GSK3B: variants seen among roughly 807,000 people sequenced by gnomAD.
GSK3B encodes the protein glycogen synthase kinase-3 beta.
In GSK3B, 15 loss-of-function variants were observed where a neutral mutation model predicts 56.4. That is an observed-to-expected ratio of 0.27 (90% confidence interval 0.18 to 0.41). The LOEUF is 0.41. Among genes scored for constraint, GSK3B ranks in the 10% least tolerant of loss-of-function variants. The pLI, the probability that GSK3B is intolerant of heterozygous loss-of-function variation, is 1.00. For synonymous variants in GSK3B, 181 were observed against 188.9 expected (o/e 0.96, Z 0.34); for missense variants, 300 against 513.4 (o/e 0.58, Z 4.02).
At chr3:120,006,359 A>G (rs542328331) in intron 1 of GSK3B, among the ~76,000 whole-genome samples, 188 of 152,302 alleles carry the variant, frequency 1.2e-3, no homozygotes, top group Non-Finnish European at 2.0e-3. Flanking sequence ...GATCAAGGAG[A>G]CAGAAAATTA....
intron 6 of GSK3B, among the ~76,000 whole-genome samples, chr3:119,906,224 C>T (rs1320147097): frequency 6.6e-6 from 1 of 152,094 alleles, no homozygotes; most frequent in Non-Finnish European, 1.5e-5. Context: ...TTAGTAGGTA[C>T]TTACAGAGGA....
intron 2 of GSK3B, among the ~76,000 whole-genome samples, chr3:119,972,629 G>A (rs180723118): frequency 6.6e-6 from 1 of 152,192 alleles, no homozygotes; most frequent in East Asian, 1.9e-4. Context: ...TAGAGATGGG[G>A]TTTCACCAAG....
At chr3:120,091,292 C>T (rs956451894) in intron 1 of GSK3B, among the ~76,000 whole-genome samples, 1 of 152,158 alleles carries the variant, frequency 6.6e-6, no homozygotes, top group African/African-American at 2.4e-5. Context: ...CTTAAAGACT[C>T]CCCTTTCTTT....
At chr3:120,051,177 G>T (rs1478947484) in intron 1 of GSK3B, among the ~76,000 whole-genome samples, 2 of 149,732 alleles carry the variant, frequency 1.3e-5, no homozygotes, top group African/African-American at 4.9e-5. Context: ...GCAAGCAAGA[G>T]AACAGGACGT....
intron 2 of GSK3B, among the ~76,000 whole-genome samples, chr3:119,981,090 T>C (rs1224384504): frequency 1.3e-5 from 2 of 152,248 alleles, no homozygotes; most frequent in African/African-American, 4.8e-5. Context: ...AGGTAAAACC[T>C]ACGACACGTG....
At chr3:119,977,791 G>T (rs141904598) in intron 2 of GSK3B, among the ~76,000 whole-genome samples, 1 of 152,110 alleles carries the variant, frequency 6.6e-6, no homozygotes, top group African/African-American at 2.4e-5. Flanking sequence ...AAAATTTGAC[G>T]TATAGCAGTG....
At chr3:120,031,579 G>A (rs2057976150) in intron 1 of GSK3B, among the ~76,000 whole-genome samples, 1 of 152,168 alleles carries the variant, frequency 6.6e-6, no homozygotes, top group Non-Finnish European at 1.5e-5. Context: ...GGGACAGAGG[G>A]TGAAGTAGGA....
intron 1 of GSK3B, among the ~76,000 whole-genome samples, chr3:120,054,416 T>C (rs2058176644): frequency 1.3e-5 from 2 of 152,192 alleles, no homozygotes; most frequent in South Asian, 4.1e-4. Flanking sequence ...AGTTGCTTTT[T>C]CCAAAGTCAT....
Position 119,878,133 on chromosome 3 carries a change from T to C in GSK3B, c.814-1625A>G, listed in dbSNP as rs539588856. Among the ~76,000 whole-genome samples, 8 of 152,292 alleles carry C rather than the reference T, an allele frequency of 5.3e-5. No individual in the cohort carries two copies. In the South Asian group the frequency reaches 1.4e-3, roughly 28 times the overall value. ...CACTGCTAAAACTTTCAGAACTTCA[T>C]TCAAATTTTAAAAAGTTTGTTCTTT... On this transcript the variant is annotated intron_variant, in intron 7 of 10. Coordinates refer to ENST00000264235, the MANE Select transcript of GSK3B (RefSeq NM_001146156.2).
intron 7 of GSK3B, among the ~76,000 whole-genome samples, chr3:119,895,753 C>T (rs1359841630): frequency 1.3e-5 from 2 of 152,100 alleles, no homozygotes; most frequent in African/African-American, 4.8e-5. Flanking sequence ...CTCCATTCTA[C>T]TTAATTGATC....
intron 3 of GSK3B, among the ~76,000 whole-genome samples, chr3:119,941,108 T>C (rs2057044747): frequency 6.6e-6 from 1 of 151,258 alleles, no homozygotes. Context: ...CTCTGCCTCC[T>C]GGGTTCAAGC....
At chr3:120,012,062 A>C (rs974517019) in intron 1 of GSK3B, among the ~76,000 whole-genome samples, 17 of 152,246 alleles carry the variant, frequency 1.1e-4, no homozygotes, top group Admixed American at 6.5e-4. Context: ...AGAATAAATC[A>C]ACAGGCTTTT....
At chr3:120,063,517 A>G (rs1400238060) in intron 1 of GSK3B, among the ~76,000 whole-genome samples, 4 of 152,130 alleles carry the variant, frequency 2.6e-5, no homozygotes, top group African/African-American at 7.2e-5. Context: ...ACCTGAGGTC[A>G]GGAGGTAGAG....
At chr3:119,850,766 T>C (rs1475280242) in intron 9 of GSK3B, among the ~76,000 whole-genome samples, 1 of 152,068 alleles carries the variant, frequency 6.6e-6, no homozygotes, top group Non-Finnish European at 1.5e-5. Flanking sequence ...ACACAGTGTA[T>C]GTATTCTTGA....
chr3:120,008,458 TTAC>T (rs1386515215), intron 1 of GSK3B, among the ~76,000 whole-genome samples: 1 of 152,012 alleles, frequency 6.6e-6, no homozygotes, highest in Non-Finnish European at 1.5e-5. Flanking sequence ...ACTTCAAACT[TTAC>T]TACAAGGCTA....
At chr3:119,932,754 T>C (rs1334146396) in intron 3 of GSK3B, among the ~76,000 whole-genome samples, 1 of 152,182 alleles carries the variant, frequency 6.6e-6, no homozygotes, top group East Asian at 1.9e-4. Flanking sequence ...TGATTTGTTT[T>C]TCTTTAAAAC....
intron 2 of GSK3B, among the ~76,000 whole-genome samples, chr3:119,989,381 G>A (rs1022526390): frequency 1.1e-4 from 17 of 152,248 alleles, no homozygotes; most frequent in East Asian, 5.8e-4. Flanking sequence ...AGTAGCTCAC[G>A]CCTGTAATCC....
chr3:120,056,484 C>T (rs1028918536), intron 1 of GSK3B, among the ~76,000 whole-genome samples: 17 of 152,240 alleles, frequency 1.1e-4, no homozygotes, highest in South Asian at 4.2e-4. Flanking sequence ...GGATTACAGG[C>T]GTGCACCACC....
chr3:119,929,748 C>T (rs1346764429), intron 3 of GSK3B, among the ~76,000 whole-genome samples: 1 of 151,440 alleles, frequency 6.6e-6, no homozygotes, highest in Non-Finnish European at 1.5e-5. Flanking sequence ...ACTAAAAATA[C>T]AAAATTAGCC....
Sources: allele counts gnomAD v4.1 joint callset (sites outside exome capture counted in the v4.1 genomes callset), GRCh38; gene constraint gnomAD v4.1.1; transcripts MANE v1.5; gene names NCBI Gene and HGNC (gene_info 2026-07-23, HGNC 2026-07-21).